Variants in MTDH observed in about 807,000 individuals in gnomAD.
The protein encoded by MTDH is metadherin, also known as protein LYRIC.
In MTDH, 34 loss-of-function variants were observed where a neutral mutation model predicts 72.7. That is an observed-to-expected ratio of 0.47 (90% confidence interval 0.36 to 0.62). The LOEUF (loss-of-function observed/expected upper bound fraction) is 0.62. Ranked by LOEUF, MTDH falls within the 20% of genes least tolerant of loss-of-function variation. The pLI is 0.00. For synonymous variants in MTDH, 266 were observed against 268.9 expected (o/e 0.99, Z 0.10); for missense variants, 677 against 699.4 (o/e 0.97, Z 0.36).
At chr8:97,685,738 T>C (rs1226482056) in intron 2 of MTDH, among the ~76,000 whole-genome samples, 2 of 149,670 alleles carry the variant, frequency 1.3e-5, no homozygotes, top group Non-Finnish European at 3.0e-5. Flanking sequence ...CCAGCCTGGG[T>C]GACAGAGCAA....
intron 8 of MTDH, among the ~76,000 whole-genome samples, chr8:97,712,498 T>G (rs1302356972): frequency 6.6e-6 from 1 of 152,200 alleles, no homozygotes; most frequent in African/African-American, 2.4e-5. Flanking sequence ...TGAAGGACAT[T>G]TGTGTCCTTT....
At chr8:97,689,438 G>T in intron 5 of MTDH, among the ~76,000 whole-genome samples, 1 of 150,004 alleles carries the variant, frequency 6.7e-6, no homozygotes, top group Non-Finnish European at 1.5e-5. Context: ...AGCATATATC[G>T]GATAAAATAC....
chr8:97,658,349 T>A (rs1165182829), intron 1 of MTDH, among the ~76,000 whole-genome samples: 1 of 152,230 alleles, frequency 6.6e-6, no homozygotes, highest in Non-Finnish European at 1.5e-5. Context: ...CCTATGGAAA[T>A]GGGAACTGAA....
chr8:97,707,532 T>G (rs907488041), intron 8 of MTDH, among the ~76,000 whole-genome samples: 11 of 144,728 alleles, frequency 7.6e-5, no homozygotes, highest in Admixed American at 7.3e-4. Flanking sequence ...CCTCTCAAAG[T>G]GCTGGGATTA....
chr8:97,677,549 T>C (rs1043472610), intron 2 of MTDH, among the ~76,000 whole-genome samples: 2 of 151,906 alleles, frequency 1.3e-5, no homozygotes, highest in South Asian at 4.1e-4. Context: ...CTATTATTTC[T>C]AGTAAGAACT....
rs1008654648 is a variant in MTDH at position 97,644,306 on chromosome 8, G to A, written c.-201G>A. 3.2e-6 allele frequency: 2 copies of A among 632,044 alleles called. No homozygotes were observed. The highest frequency in any genetic ancestry group is 5.0e-6 in the Non-Finnish European group (2 of 396,746). 39.2% of individuals were successfully genotyped at this position (632,044 alleles called of 1,614,324 possible). ...CCGGGTCTCCTGGCGGCGGCGGAGTGAGGCTGACAGCGGGGAACCTGGGAG... is the reference window on the plus strand; with the variant it reads ...CCGGGTCTCCTGGCGGCGGCGGAGTAAGGCTGACAGCGGGGAACCTGGGAG... On this transcript the variant is annotated 5_prime_UTR_variant, in exon 1 of 12. Transcript: ENST00000336273.
chr8:97,720,917 G>A (rs1815095520), intron 10 of MTDH, among the ~76,000 whole-genome samples: 1 of 151,712 alleles, frequency 6.6e-6, no homozygotes, highest in Non-Finnish European at 1.5e-5. Flanking sequence ...GCCTCCCAAA[G>A]TACTGGGATT....
chr8:97,722,992 A>G lies in MTDH; in HGVS notation c.1635A>G (p.Lys545=). Reference sequence around the variant, plus strand: ...CGCCAATACTACAAGAGACAGATAAATCCAAGTCAAATACCAAGCAAAATA... The same window carrying G: ...CGCCAATACTACAAGAGACAGATAAGTCCAAGTCAAATACCAAGCAAAATA... ...QVPPILQETD[K]SKSNTKQNSV... Residue 545 remains lysine, a synonymous_variant, in exon 11 of 12, where the codon AAA becomes AAG. Transcript: ENST00000336273. The G allele has an allele frequency of 6.2e-7, 1 of 1,614,126 alleles. No individual in the cohort carries two copies. Among genetic ancestry groups the G allele is most frequent in the South Asian group, 1.1e-5 (1 of 91,066 alleles).
At chr8:97,669,895 C>T (rs1812542164) in intron 2 of MTDH, among the ~76,000 whole-genome samples, 1 of 145,754 alleles carries the variant, frequency 6.9e-6, no homozygotes, top group Admixed American at 6.9e-5. Flanking sequence ...TGCACTCCAG[C>T]CTGATCAACA....
intron 1 of MTDH, among the ~76,000 whole-genome samples, chr8:97,647,993 T>C (rs748540082): frequency 1.3e-5 from 2 of 152,168 alleles, no homozygotes; most frequent in Non-Finnish European, 2.9e-5. Flanking sequence ...CTCTGATCTT[T>C]TCGTTCCATT....
intron 2 of MTDH, among the ~76,000 whole-genome samples, chr8:97,672,033 ATATC>A (rs201369826): frequency 0.037 from 5,632 of 152,274 alleles, 135 homozygotes; most frequent in Middle Eastern, 0.061. Context: ...GCAAAACAGA[ATATC>A]TGCATGCCCA....
In MTDH at chr8:97,706,086, A is replaced by G. The variant is rs149436140; in HGVS notation, c.1148-540A>G. Among the ~76,000 whole-genome samples the G allele has an allele frequency of 8.7e-3, 1,318 of 152,338 alleles. 8 individuals are homozygous for G. The highest frequency in any genetic ancestry group is 0.014 in the Middle Eastern group (4 of 292). Reference sequence around the variant, plus strand: ...GAAAAATATAAGAAAGTACAGGTTAAGTATTTAAAAAGGGGGAGAAAAATA... The same window carrying G: ...GAAAAATATAAGAAAGTACAGGTTAGGTATTTAAAAAGGGGGAGAAAAATA... On this transcript the variant is annotated intron_variant, in intron 7 of 11. Transcript: ENST00000336273.
intron 7 of MTDH, among the ~76,000 whole-genome samples, chr8:97,701,512 C>T (rs946376450): frequency 3.3e-5 from 5 of 152,034 alleles, no homozygotes; most frequent in South Asian, 2.1e-4. Context: ...CCCATGGATA[C>T]GCAGGGCTGA....
intron 2 of MTDH, among the ~76,000 whole-genome samples, chr8:97,678,197 A>G (rs774474790): frequency 1.7e-4 from 26 of 152,362 alleles, no homozygotes; most frequent in Middle Eastern, 6.8e-3. Context: ...CCACAAAGAT[A>G]TATTCTCAAC....
At chr8:97,669,563 C>T (rs1812529475) in intron 2 of MTDH, among the ~76,000 whole-genome samples, 1 of 149,754 alleles carries the variant, frequency 6.7e-6, no homozygotes, top group South Asian at 2.1e-4. Flanking sequence ...CCTGCAACTA[C>T]TAATTTCTGC....
At chr8:97,660,900 T>A (rs1375689251) in intron 1 of MTDH, among the ~76,000 whole-genome samples, 172 bp from the exon 2 acceptor site, 5 of 117,510 alleles carry the variant, frequency 4.3e-5, no homozygotes, top group East Asian at 2.9e-4. Context: ...TATATATATA[T>A]AAACACTAGG....
intron 7 of MTDH, among the ~76,000 whole-genome samples, chr8:97,705,721 G>A (rs1412280230): frequency 6.6e-6 from 1 of 152,158 alleles, no homozygotes; most frequent in East Asian, 1.9e-4. Context: ...TGGAAATAAA[G>A]CCTAACCTTT....
intron 9 of MTDH, among the ~76,000 whole-genome samples, chr8:97,714,872 C>G (rs1011645880): frequency 1.3e-5 from 2 of 151,864 alleles, no homozygotes; most frequent in Non-Finnish European, 2.9e-5. Flanking sequence ...GTTGCCCAGG[C>G]TGGAGTGCAG....
chr8:97,726,937 G>T lies in MTDH; in HGVS notation c.*2267G>T, dbSNP rs541133370. Reference sequence around the variant, plus strand: ...AAAATACAAAAAAAAAAATTAGCTGGGTGTGGTGGTGGGCTCCTGTAATCC... The same window carrying T: ...AAAATACAAAAAAAAAAATTAGCTGTGTGTGGTGGTGGGCTCCTGTAATCC... On this transcript the variant is annotated 3_prime_UTR_variant, in exon 12 of 12. Transcript: ENST00000336273. 1 of 151,978 alleles carries T rather than the reference G, an allele frequency of 6.6e-6. No individual in the cohort carries two copies. Among genetic ancestry groups the T allele is most frequent in the South Asian group, 2.1e-4 (1 of 4,808 alleles). The allele number at this position is 151,978 out of a possible 1,614,324, so 9.4% of individuals were successfully genotyped here.
Sources: allele counts gnomAD v4.1 joint callset (sites outside exome capture counted in the v4.1 genomes callset), GRCh38; gene constraint gnomAD v4.1.1; transcripts MANE v1.5; gene names NCBI Gene and HGNC (gene_info 2026-07-23, HGNC 2026-07-21).